Variants in ALMS1 observed in about 807,000 individuals in gnomAD.
The protein encoded by ALMS1 is centrosome-associated protein ALMS1.
A neutral mutation model predicts 352.2 loss-of-function variants in ALMS1; 271 were observed. That is an observed-to-expected ratio of 0.77 (90% CI 0.70 to 0.85). The LOEUF (loss-of-function observed/expected upper bound fraction) is 0.85, where lower values mean the gene tolerates loss of function less well. Among genes scored for constraint, ALMS1 ranks in the 40% least tolerant of loss-of-function variants. The pLI, the probability that ALMS1 is intolerant of heterozygous loss-of-function variation, is 0.00. For synonymous variants in ALMS1, 1,865 were observed against 1,761.2 expected (o/e 1.06, Z -1.48); for missense variants, 5,445 against 4,870.7 (o/e 1.12, Z -3.51).
chr2:73,494,569 G>A (rs1394434996), intron 10 of ALMS1, among the ~76,000 whole-genome samples: 1 of 151,868 alleles, frequency 6.6e-6, no homozygotes, highest in Non-Finnish European at 1.5e-5. Flanking sequence ...ATCTATGACA[G>A]TTTCCCAGTC....
intron 9 of ALMS1, among the ~76,000 whole-genome samples, chr2:73,487,595 C>G (rs936876508): frequency 2.0e-5 from 3 of 152,114 alleles, no homozygotes; most frequent in Non-Finnish European, 2.9e-5. Context: ...ACATGGCAGG[C>G]GGGGAGGGGG....
chr2:73,492,283 GAAGA>G (rs769183255), intron 10 of ALMS1, among the ~76,000 whole-genome samples: 64 of 152,300 alleles, frequency 4.2e-4, no homozygotes, highest in Non-Finnish European at 8.1e-4. Flanking sequence ...TGGAAAGGAG[GAAGA>G]AAGAAATGTT....
chr2:73,530,145 A>G (rs1673878726), intron 11 of ALMS1, among the ~76,000 whole-genome samples: 1 of 152,132 alleles, frequency 6.6e-6, no homozygotes. Context: ...CCCAGAATCA[A>G]CTCATTCTAG....
At chr2:73,516,509 G>C (rs1487443792) in intron 10 of ALMS1, among the ~76,000 whole-genome samples, 1 of 152,114 alleles carries the variant, frequency 6.6e-6, no homozygotes, top group Non-Finnish European at 1.5e-5. Flanking sequence ...TCATATTATT[G>C]CTATTCACAA....
At chr2:73,538,480 C>T (rs1674081721) in intron 12 of ALMS1, among the ~76,000 whole-genome samples, 1 of 152,166 alleles carries the variant, frequency 6.6e-6, no homozygotes, top group South Asian at 2.1e-4. Context: ...CGAATGATTT[C>T]TGCATTTCCA....
chr2:73,562,567 A>G (rs1237587121), intron 15 of ALMS1, among the ~76,000 whole-genome samples: 1 of 152,170 alleles, frequency 6.6e-6, no homozygotes, highest in Admixed American at 6.5e-5. Flanking sequence ...GTAAAATCAA[A>G]AAATACATGT....
chr2:73,528,966 G>A (rs551640042), intron 11 of ALMS1, among the ~76,000 whole-genome samples: 1 of 138,510 alleles, frequency 7.2e-6, no homozygotes, highest in South Asian at 2.4e-4. Flanking sequence ...CAGTCTTTTT[G>A]TTAAATTTGT....
At chr2:73,428,943 G>A (rs139971032) in intron 6 of ALMS1, among the ~76,000 whole-genome samples, 35 of 152,114 alleles carry the variant, frequency 2.3e-4, no homozygotes, top group African/African-American at 8.2e-4. Context: ...TGATTATTTG[G>A]GTATCCACGT....
intron 1 of ALMS1, among the ~76,000 whole-genome samples, chr2:73,387,874 C>G (rs1170365205): frequency 6.6e-6 from 1 of 152,076 alleles, no homozygotes; most frequent in Non-Finnish European, 1.5e-5. Context: ...TTGGTGGATA[C>G]AGGGAAAAGT....
In ALMS1 at chr2:73,543,532, A is replaced by G. The variant is rs546051295; in HGVS notation, c.9908-6735A>G. 3.9e-5 allele frequency among the ~76,000 whole-genome samples: 6 copies of G among 152,320 alleles called. No homozygotes were observed. The South Asian group carries it at 1.2e-3, about 32-fold the overall frequency. ...TTGACAAATGGGATCTAATTAAACT[A>G]AAGAGCTTCTGCACAGTAAAAGAAA... is the stretch of plus-strand genomic sequence containing the variant. On this transcript the variant is annotated intron_variant, in intron 12 of 22. Coordinates refer to ENST00000613296, the MANE Select transcript of ALMS1 (RefSeq NM_001378454.1).
At position 73,385,879 on chromosome 2, in the gene ALMS1, A is replaced by G. The variant is rs1232846337; in HGVS notation, c.11A>G (p.Glu4Gly). MEP[E>G]DLPWPGELEE... The stretch of plus-strand genomic sequence containing the variant: ...GAGCGAGACACCAACATGGAGCCCG[A>G]GGATCTGCCATGGCCGGGCGAGCTG... Residue 4 changes from glutamate to glycine, a missense_variant, in exon 1 of 23, where the codon GAG becomes GGG. Glu to Gly is a moderately conservative substitution (Grantham distance 98). Transcript: ENST00000613296. The G allele has an allele frequency of 2.6e-6, 2 of 770,148 alleles. No individual in the cohort carries two copies. 47.7% of individuals were successfully genotyped at this position (770,148 alleles called of 1,614,324 possible).
At chr2:73,396,858 A>G (rs1298721758) in intron 1 of ALMS1, among the ~76,000 whole-genome samples, 1 of 151,884 alleles carries the variant, frequency 6.6e-6, no homozygotes, top group African/African-American at 2.4e-5. Flanking sequence ...GTTAGACGGG[A>G]TGGTCTCGAT....
intron 16 of ALMS1, among the ~76,000 whole-genome samples, chr2:73,598,564 T>A (rs1311602759): frequency 6.6e-6 from 1 of 152,184 alleles, no homozygotes; most frequent in African/African-American, 2.4e-5. Context: ...AGGGATCAGA[T>A]ATGCTCAGTT....
At chr2:73,473,660 T>TC (rs1672513950) in intron 9 of ALMS1, among the ~76,000 whole-genome samples, 1 of 151,694 alleles carries the variant, frequency 6.6e-6, no homozygotes, top group African/African-American at 2.4e-5. Context: ...GAAAAGGATT[T>TC]CCCACCAAAA....
At chr2:73,444,948 T>C (rs1357418056) in intron 7 of ALMS1, among the ~76,000 whole-genome samples, 2 of 152,100 alleles carry the variant, frequency 1.3e-5, no homozygotes, top group Non-Finnish European at 2.9e-5. Context: ...AAAAATGATA[T>C]AGTAATTAAT....
At chr2:73,399,894 T>C (rs1426356195) in intron 1 of ALMS1, among the ~76,000 whole-genome samples, 2 of 151,990 alleles carry the variant, frequency 1.3e-5, no homozygotes, top group African/African-American at 4.8e-5. Context: ...GATCATGTGG[T>C]TTTTCTTCTA....
chr2:73,586,556 T>A (rs1675318199), intron 16 of ALMS1, among the ~76,000 whole-genome samples: 1 of 152,226 alleles, frequency 6.6e-6, no homozygotes, highest in African/African-American at 2.4e-5. Context: ...CAGTTGGCTG[T>A]AAGTATTTGG....
intron 16 of ALMS1, among the ~76,000 whole-genome samples, chr2:73,584,796 C>G (rs1291376004): frequency 6.6e-6 from 1 of 151,982 alleles, no homozygotes; most frequent in African/African-American, 2.4e-5. Flanking sequence ...CACCCTTCCC[C>G]CCTAAGTTCC....
chr2:73,594,787 A>G (rs981439923), intron 16 of ALMS1, among the ~76,000 whole-genome samples: 5 of 152,032 alleles, frequency 3.3e-5, no homozygotes, highest in African/African-American at 1.2e-4. Context: ...TCCTTTCCTG[A>G]TGTGTTTTTT....
Sources: gnomAD v4.1 joint callset for allele counts (sites outside exome capture counted in the v4.1 genomes callset) on GRCh38, gnomAD v4.1.1 for gene constraint, MANE v1.5 for transcripts, NCBI Gene and HGNC (gene_info 2026-07-23, HGNC 2026-07-21) for gene names.